Variants in KALRN observed in about 807,000 individuals in gnomAD.
KALRN encodes kalirin RhoGEF kinase.
Under a neutral mutation model 353.7 loss-of-function variants are expected in KALRN, and 70 were observed. That is an observed-to-expected ratio of 0.20 (90% CI 0.16 to 0.24). KALRN has a LOEUF of 0.24. Among genes scored for constraint, KALRN ranks in the 10% least tolerant of loss-of-function variants. KALRN has a pLI of 1.00. For missense variants in KALRN, 2,791 were observed against 3,756.7 expected (o/e 0.74, Z 6.72); for synonymous variants, 1,391 against 1,434.8 (o/e 0.97, Z 0.69).
intron 1 of KALRN, among the ~76,000 whole-genome samples, chr3:124,184,519 A>T (rs1252926789): frequency 1.3e-5 from 2 of 152,170 alleles, no homozygotes; most frequent in Non-Finnish European, 2.9e-5. Flanking sequence ...GCAAGACAGC[A>T]ATGCCTACAA....
intron 34 of KALRN, among the ~76,000 whole-genome samples, chr3:124,590,045 T>C (rs1299437422): frequency 6.6e-6 from 1 of 152,172 alleles, no homozygotes; most frequent in Non-Finnish European, 1.5e-5. Flanking sequence ...AAATTAAATG[T>C]CTCAGCAGAA....
chr3:124,697,225 C>T (rs1284603423), intron 54 of KALRN, among the ~76,000 whole-genome samples: 1 of 152,212 alleles, frequency 6.6e-6, no homozygotes, highest in Non-Finnish European at 1.5e-5. Flanking sequence ...ATTATAAGGG[C>T]TCCCTGCGAC....
intron 6 of KALRN, among the ~76,000 whole-genome samples, chr3:124,317,018 C>T (rs6809242): frequency 0.2 from 30,946 of 151,942 alleles, 3,211 homozygotes; most frequent in South Asian, 0.28. Flanking sequence ...GATTATTGCT[C>T]CAAGGCAGGA....
chr3:124,670,193 T>C (rs2086224540), intron 47 of KALRN, among the ~76,000 whole-genome samples: 1 of 152,160 alleles, frequency 6.6e-6, no homozygotes, highest in Admixed American at 6.5e-5. Flanking sequence ...ATGTTGGCCA[T>C]GGCTGGTCCT....
chr3:124,068,710 AC>A (rs2149254953), intron 1 of KALRN, among the ~76,000 whole-genome samples: 1 of 152,206 alleles, frequency 6.6e-6, no homozygotes, highest in South Asian at 2.1e-4. Context: ...ATTGATTTAC[AC>A]CCTTTCCCCA....
chr3:124,328,357 A>G (rs972685141), intron 7 of KALRN, among the ~76,000 whole-genome samples: 1 of 152,192 alleles, frequency 6.6e-6, no homozygotes, highest in East Asian at 1.9e-4. Flanking sequence ...AGGAAGACCC[A>G]ACTGCTTCTC....
chr3:124,109,807 A>G (rs2062702761), intron 1 of KALRN, among the ~76,000 whole-genome samples: 1 of 12,234 alleles, frequency 8.2e-5, no homozygotes, highest in Non-Finnish European at 1.6e-4. Context: ...TATATATGAC[A>G]TATATATCAT....
intron 1 of KALRN, among the ~76,000 whole-genome samples, chr3:124,217,018 A>C (rs966732368): frequency 3.3e-5 from 5 of 152,088 alleles, no homozygotes; most frequent in Non-Finnish European, 7.4e-5. Flanking sequence ...TTCTCTTCTT[A>C]CTGCTTTTTC....
intron 3 of KALRN, among the ~76,000 whole-genome samples, chr3:124,263,913 C>T (rs1027716876): frequency 6.6e-6 from 1 of 152,024 alleles, no homozygotes; most frequent in Non-Finnish European, 1.5e-5. Context: ...ATTTTAGGAA[C>T]AAGAAAGGGA....
At chr3:124,057,106 C>G (rs2041621791) in intron 1 of KALRN, among the ~76,000 whole-genome samples, 1 of 152,092 alleles carries the variant, frequency 6.6e-6, no homozygotes, top group Non-Finnish European at 1.5e-5. Flanking sequence ...TTGATTTATC[C>G]CTTACCACAT....
intron 1 of KALRN, among the ~76,000 whole-genome samples, chr3:124,206,054 A>G (rs1312622733): frequency 6.6e-6 from 1 of 152,228 alleles, no homozygotes; most frequent in African/African-American, 2.4e-5. Flanking sequence ...TTCAGTCTCC[A>G]CAGTTTGCCA....
intron 33 of KALRN, among the ~76,000 whole-genome samples, chr3:124,550,941 A>G (rs1463194942): frequency 6.6e-6 from 1 of 152,188 alleles, no homozygotes; most frequent in Non-Finnish European, 1.5e-5. Context: ...GTGAGCCGAG[A>G]TCGCACCACT....
rs1303884980 is a variant in KALRN, at chr3:124,657,783, G to C, written c.6016G>C (p.Ala2006Pro). The C allele has an allele frequency of 6.2e-7, 1 of 1,613,220 alleles. No individual in the cohort carries two copies. Among genetic ancestry groups the C allele is most frequent in the Admixed American group, 1.7e-5 (1 of 60,018 alleles). The part of the protein sequence containing the change: ...EKCIQEQDRL[A>P]QLFIKHERKL... ...GTGTATCCAGGAGCAAGACAGATTGGCACAGCTCTTTATTAAGCACGTGAG... is the reference window on the plus strand; with the variant it reads ...GTGTATCCAGGAGCAAGACAGATTGCCACAGCTCTTTATTAAGCACGTGAG... The change falls in exon 41 of 60, where the codon GCA (alanine) becomes CCA (proline). Residue 2006 changes from alanine to proline, a missense_variant. Around this residue, in one of 11 missense-constraint regions of KALRN, gnomAD observed 1,065 missense variants for 1,156.4 expected, o/e 0.92. Transcript: ENST00000682506.
At chr3:124,539,970 C>T (rs1367821549) in intron 33 of KALRN, among the ~76,000 whole-genome samples, 1 of 151,752 alleles carries the variant, frequency 6.6e-6, no homozygotes, top group African/African-American at 2.4e-5. Flanking sequence ...AGTGCAGTGG[C>T]ATGATCTTGA....
At chr3:124,627,438 G>A (rs1481330030) in intron 34 of KALRN, among the ~76,000 whole-genome samples, 1 of 152,218 alleles carries the variant, frequency 6.6e-6, no homozygotes, top group Non-Finnish European at 1.5e-5. Context: ...CAGGGGAAGA[G>A]GAATGGTCAT....
chr3:124,160,278 G>A (rs1474507103), intron 1 of KALRN, among the ~76,000 whole-genome samples: 1 of 151,998 alleles, frequency 6.6e-6, no homozygotes, highest in Non-Finnish European at 1.5e-5. Flanking sequence ...GGCAGCCTCA[G>A]GATGATGGGA....
intron 2 of KALRN, among the ~76,000 whole-genome samples, chr3:124,233,137 G>T (rs962330983): frequency 5.3e-5 from 8 of 152,056 alleles, no homozygotes; most frequent in African/African-American, 1.9e-4. Context: ...TTGGAGCTGT[G>T]GTTCCTTGTG....
intron 1 of KALRN, among the ~76,000 whole-genome samples, chr3:124,123,765 A>G (rs1038336216): frequency 3.3e-5 from 5 of 152,206 alleles, no homozygotes; most frequent in African/African-American, 4.8e-5. Context: ...GTTGAACCCA[A>G]TGCTCATTTA....
chr3:124,504,736 G>A, intron 33 of KALRN: 1 of 410,042 alleles, frequency 2.4e-6, no homozygotes, highest in Non-Finnish European at 5.1e-6. Context: ...CTGAGAGCTT[G>A]GCAGTGAGCA....
Sources: gnomAD v4.1 joint callset for allele counts (sites outside exome capture counted in the v4.1 genomes callset) on GRCh38, gnomAD v4.1.1 for gene constraint, gnomAD v4.1.1 regional missense constraint, MANE v1.5 for transcripts, NCBI Gene and HGNC (gene_info 2026-07-23, HGNC 2026-07-21) for gene names.